DNAH7: variants seen among roughly 807,000 people sequenced by gnomAD.
DNAH7 encodes the protein axonemal beta dynein heavy chain 7.
A neutral mutation model predicts 444.6 loss-of-function variants in DNAH7; 397 were observed. The observed-to-expected ratio is 0.89, with a 90% CI of 0.82 to 0.97. The LOEUF (loss-of-function observed/expected upper bound fraction) is 0.97, where lower values mean the gene tolerates loss of function less well. Among genes scored for constraint, DNAH7 ranks in the 50% least tolerant of loss-of-function variants. The pLI is 0.00. For synonymous variants in DNAH7, 1,636 were observed against 1,624.4 expected (o/e 1.01, Z -0.17); for missense variants, 4,902 against 4,800.8 (o/e 1.02, Z -0.62).
At chr2:196,010,530 T>C (rs1694666285) in intron 10 of DNAH7, among the ~76,000 whole-genome samples, 1 of 152,106 alleles carries the variant, frequency 6.6e-6, no homozygotes, top group African/African-American at 2.4e-5. Flanking sequence ...CTCAAAAAAC[T>C]AAAATTACAG....
At position 196,012,655 on chromosome 2, in the gene DNAH7, G is replaced by T. The variant is rs1319967340; in HGVS notation, c.989+132C>A. ...AATATTACAGACTAAGATAATTAAAGATATTATATTTAAATCATGTAGAAA... is the reference window on the plus strand; with the variant it reads ...AATATTACAGACTAAGATAATTAAATATATTATATTTAAATCATGTAGAAA... On this transcript the variant is annotated intron_variant, in intron 10 of 64. Coordinates refer to ENST00000312428, the MANE Select transcript of DNAH7 (RefSeq NM_018897.3). 1.4e-5 allele frequency: 13 copies of T among 901,560 alleles called. No individual in the cohort carries two copies. In the East Asian group the frequency reaches 3.3e-4, roughly 23 times the overall value. The allele number at this position is 901,560 out of a possible 1,614,324, so 55.8% of individuals were successfully genotyped here. A position where few individuals can be genotyped will look rare whatever the true frequency, so the allele number is the denominator to read the frequency against.
chr2:196,051,233 T>C lies in DNAH7; in HGVS notation c.95A>G (p.Lys32Arg). The change falls in exon 3 of 65, where the codon AAA becomes AGA. Residue 32 changes from lysine to arginine, a missense_variant. Lys to Arg is a conservative substitution (Grantham distance 26). Transcript: ENST00000312428. Reference protein sequence around the residue: ...PQLSMEKLASKEKFKAPARAL... With the variant: ...PQLSMEKLASREKFKAPARAL... ...TCTTGCTGGTGCCTTGAACTTTTCT[T>C]TGCTGGCTAATTTCTCCTGTGTGAA... The C allele has an allele frequency of 6.2e-7, 1 of 1,613,936 alleles. No individual in the cohort carries two copies. Among genetic ancestry groups the C allele is most frequent in the Non-Finnish European group, 8.5e-7 (1 of 1,179,884 alleles).
chr2:195,760,816 A>T (rs1255789670), intron 61 of DNAH7, among the ~76,000 whole-genome samples: 1 of 152,164 alleles, frequency 6.6e-6, no homozygotes, highest in Non-Finnish European at 1.5e-5. Context: ...CCTTCCCAAG[A>T]AGCATGGGTA....
chr2:195,890,822 T>A (rs894999262), intron 31 of DNAH7, among the ~76,000 whole-genome samples: 1 of 152,208 alleles, frequency 6.6e-6, no homozygotes, highest in African/African-American at 2.4e-5. Context: ...TCATGAGTCA[T>A]GCTCTGCTAG....
In DNAH7 at chr2:195,861,888, A is replaced by T; in HGVS notation, c.7565T>A (p.Met2522Lys). 1 of 1,614,006 alleles carries T rather than the reference A, an allele frequency of 6.2e-7. No individual in the cohort carries two copies. The highest frequency in any genetic ancestry group is 8.5e-7 in the Non-Finnish European group (1 of 1,179,898). The change falls in exon 42 of 65, where the codon ATG (methionine) becomes AAG (lysine). Residue 2522 changes from methionine to lysine, a missense_variant. Physicochemically the swap from Met to Lys is moderately conservative, Grantham distance 95. Transcript: ENST00000312428. ...ACAGCCATCTCGTATTTCCTCTGAC[A>T]TTTCAATTTCTTCCAAGAATCGTGA... The part of the protein sequence containing the change: ...VASRFLEEIE[M>K]SEEIRDGCID...
intron 54 of DNAH7, 28 bp downstream of exon 54, chr2:195,806,712 T>C (rs1696731408): frequency 3.8e-6 from 6 of 1,586,902 alleles, no homozygotes; most frequent in Middle Eastern, 1.7e-4. Context: ...TTTGGAATCA[T>C]TGAGCTGTTT....
chr2:195,950,863 A>C (rs1260653079), intron 19 of DNAH7, among the ~76,000 whole-genome samples: 1 of 148,040 alleles, frequency 6.8e-6, no homozygotes, highest in Non-Finnish European at 1.5e-5. Context: ...AAAAAAAAAA[A>C]AAAAAAAAAA....
At position 195,817,821 on chromosome 2, in the gene DNAH7, T is replaced by C. The variant is rs752537070; in HGVS notation, c.9300A>G (p.Leu3100=). Residue 3100 remains leucine (L), a synonymous_variant, in exon 50 of 65, where the codon TTA becomes TTG. Coordinates refer to ENST00000312428, the MANE Select transcript of DNAH7 (RefSeq NM_018897.3). ...CCTCAGGGGTTATCATGAAGTTTAA[T>C]AATGTTACCTATAAATGAAAAAATA... ...YLPETSVKVT[L]LNFMITPEGM... 1.3e-6 allele frequency: 2 copies of C among 1,578,706 alleles called. No individual in the cohort carries two copies. The highest frequency in any genetic ancestry group is 8.6e-7 in the Non-Finnish European group (1 of 1,167,614).
intron 2 of DNAH7, among the ~76,000 whole-genome samples, chr2:196,054,193 T>C (rs1013117530): frequency 1.3e-5 from 2 of 152,204 alleles, no homozygotes; most frequent in Non-Finnish European, 1.5e-5. Context: ...CTGTAAGTAA[T>C]CTCCTTTGAA....
intron 58 of DNAH7, among the ~76,000 whole-genome samples, chr2:195,780,044 T>G (rs1190694483): frequency 6.6e-6 from 1 of 152,204 alleles, no homozygotes; most frequent in Non-Finnish European, 1.5e-5. Context: ...ATTTTTAGTT[T>G]ATGAATGCAA....
intron 63 of DNAH7, among the ~76,000 whole-genome samples, chr2:195,752,869 G>A (rs897423298): frequency 2.0e-5 from 3 of 152,170 alleles, no homozygotes; most frequent in Admixed American, 1.3e-4. Context: ...TTGATTAGAG[G>A]GGATGAAAGG....
At chr2:196,058,646 C>G (rs1335365005) in intron 1 of DNAH7, among the ~76,000 whole-genome samples, 1 of 151,676 alleles carries the variant, frequency 6.6e-6, no homozygotes, top group East Asian at 1.9e-4. Context: ...AAGTGTAAGA[C>G]CTATACAATG....
chr2:196,007,349 C>G (rs969648753), intron 10 of DNAH7, among the ~76,000 whole-genome samples: 7 of 152,170 alleles, frequency 4.6e-5, no homozygotes, highest in Non-Finnish European at 1.0e-4. Flanking sequence ...AAATGGTGCT[C>G]AGACTACCAG....
intron 15 of DNAH7, among the ~76,000 whole-genome samples, chr2:195,977,158 A>G (rs1486858780): frequency 6.6e-6 from 1 of 152,262 alleles, no homozygotes; most frequent in African/African-American, 2.4e-5. Flanking sequence ...ATAAGGCACC[A>G]AAGAGATAAA....
intron 61 of DNAH7, among the ~76,000 whole-genome samples, chr2:195,758,451 A>C (rs1028843330): frequency 1.9e-4 from 29 of 152,154 alleles, no homozygotes; most frequent in African/African-American, 6.8e-4. Context: ...TTACATTTTA[A>C]ATGTATTGGC....
At position 195,997,892 on chromosome 2, in the gene DNAH7, TGTATCTCTGGGGCAA is replaced by T. The variant is rs1574981651; in HGVS notation, c.1353+2797_1353+2811del. 2.6e-5 allele frequency among the ~76,000 whole-genome samples: 4 copies of T among 152,316 alleles called. No individual in the cohort carries two copies. The South Asian group carries it at 8.3e-4, about 32-fold the overall frequency. ...AGTACTGACTCCATCTTTATGAATC[TGTATCTCTGGGGCAA>T]GGGACAATGGTGAGTGGTGATGGTG... On this transcript the variant is annotated intron_variant, in intron 12 of 64. Coordinates refer to ENST00000312428, the MANE Select transcript of DNAH7 (RefSeq NM_018897.3).
intron 33 of DNAH7, among the ~76,000 whole-genome samples, chr2:195,886,576 A>G (rs1701724480): frequency 6.6e-6 from 1 of 152,198 alleles, no homozygotes; most frequent in South Asian, 2.1e-4. Flanking sequence ...AACACTAAAA[A>G]AATTTCAGAG....
chr2:195,874,531 CT>C (rs1700911266), intron 38 of DNAH7, among the ~76,000 whole-genome samples: 2 of 151,316 alleles, frequency 1.3e-5, no homozygotes. Flanking sequence ...AAATGCCTGG[CT>C]TGGGGTGGTG....
In DNAH7 at chr2:195,740,816, T is replaced by TA. The variant is rs1692986417; in HGVS notation, c.11817_11818insT (p.Lys3940Ter). On this transcript the variant is annotated frameshift_variant, in exon 64 of 65. Transcript: ENST00000312428. LOFTEE classifies it high-confidence loss of function. Reference sequence around the variant, plus strand: ...TTGGGATGCGATTCTGCAAGTTTCTTGATCTTTCTATTCCAGGAAGCTCCA... The same window carrying TA: ...TTGGGATGCGATTCTGCAAGTTTCTTAGATCTTTCTATTCCAGGAAGCTCCA... 6.4e-7 allele frequency: 1 copy of TA among 1,569,948 alleles called. No homozygotes were observed. The highest frequency in any genetic ancestry group is 1.8e-5 in the Admixed American group (1 of 56,020).
Sources: gnomAD v4.1 joint callset for allele counts (sites outside exome capture counted in the v4.1 genomes callset) on GRCh38, gnomAD v4.1.1 for gene constraint, MANE v1.5 for transcripts, NCBI Gene and HGNC (gene_info 2026-07-23, HGNC 2026-07-21) for gene names.